The following ADAMTS6 variants were observed in gnomAD, a reference collection of about 807,000 sequenced individuals.
The protein encoded by ADAMTS6 is A disintegrin and metalloproteinase with thrombospondin motifs 6.
In ADAMTS6, 23 loss-of-function variants were observed where a neutral mutation model predicts 144.3. That is an observed-to-expected ratio of 0.16 (90% CI 0.11 to 0.23). ADAMTS6 has a LOEUF of 0.23. Among genes scored for constraint, ADAMTS6 ranks in the 10% least tolerant of loss-of-function variants. The probability of loss-of-function intolerance (pLI) is 1.00; values close to 1 mark genes in which losing one functional copy is unlikely to be tolerated. For missense variants in ADAMTS6, 999 were observed against 1,379.6 expected (o/e 0.72, Z 4.37); for synonymous variants, 444 against 457.5 (o/e 0.97, Z 0.38).
chr5:65,174,803 T>C (rs1339988078), intron 22 of ADAMTS6, among the ~76,000 whole-genome samples: 1 of 152,200 alleles, frequency 6.6e-6, no homozygotes, highest in African/African-American at 2.4e-5. Flanking sequence ...TTCTTTGTTT[T>C]GTGGTGTGAG....
chr5:65,237,047 A>G (rs1186217950), intron 15 of ADAMTS6, among the ~76,000 whole-genome samples: 1 of 152,090 alleles, frequency 6.6e-6, no homozygotes, highest in East Asian at 1.9e-4. Flanking sequence ...ATTTTATGTC[A>G]ATAAACTGGA....
chr5:65,223,887 C>T (rs1757515090), intron 18 of ADAMTS6, among the ~76,000 whole-genome samples: 1 of 151,414 alleles, frequency 6.6e-6, no homozygotes, highest in South Asian at 2.1e-4. Flanking sequence ...GCAAGCTCTG[C>T]CTCCTGGGTT....
intron 20 of ADAMTS6, among the ~76,000 whole-genome samples, chr5:65,204,310 G>C (rs1755935339): frequency 6.6e-6 from 1 of 152,176 alleles, no homozygotes; most frequent in Non-Finnish European, 1.5e-5. Flanking sequence ...AATTATTATA[G>C]ATAAATAAAT....
chr5:65,334,687 T>C (rs770549965), intron 7 of ADAMTS6, among the ~76,000 whole-genome samples: 1 of 152,186 alleles, frequency 6.6e-6, no homozygotes, highest in Non-Finnish European at 1.5e-5. Flanking sequence ...ACAGGCTAAA[T>C]GAATCTGTCA....
In ADAMTS6 at chr5:65,149,603, A is replaced by C. The variant is rs1385185879; in HGVS notation, c.*2233T>G. On this transcript the variant is annotated 3_prime_UTR_variant, in exon 25 of 25. Coordinates refer to ENST00000381055, the MANE Select transcript of ADAMTS6 (RefSeq NM_197941.4). ...CAATGGTAGTTTCCAGGTGAGGTAA[A>C]AAATAGCTTTTAGTCGGTAATAAGA... 6.6e-6 allele frequency: 1 copy of C among 152,666 alleles called. No homozygotes were observed. The highest frequency in any genetic ancestry group is 2.4e-5 in the African/African-American group (1 of 41,452). The allele number at this position is 152,666 out of a possible 1,614,324, so 9.5% of individuals were successfully genotyped here.
At chr5:65,186,348 TG>T (rs751262856) in intron 22 of ADAMTS6, among the ~76,000 whole-genome samples, 20 of 152,214 alleles carry the variant, frequency 1.3e-4, no homozygotes, top group Admixed American at 3.9e-4. Context: ...CTGCCTTATA[TG>T]TATTATTCTC....
intron 2 of ADAMTS6, 89 bp downstream of exon 2, chr5:65,473,488 A>C (rs1760624575): frequency 8.5e-7 from 1 of 1,179,488 alleles, no homozygotes; most frequent in Admixed American, 2.0e-5. Context: ...ATCCCAAAAA[A>C]AACTATCCAC....
intron 7 of ADAMTS6, among the ~76,000 whole-genome samples, chr5:65,432,436 C>A (rs922463112): frequency 1.3e-5 from 2 of 152,016 alleles, no homozygotes; most frequent in African/African-American, 2.4e-5. Context: ...TCAAATGGCT[C>A]TTAAAAGCCT....
intron 7 of ADAMTS6, among the ~76,000 whole-genome samples, chr5:65,404,954 T>C (rs978451109): frequency 2.9e-4 from 44 of 152,352 alleles, no homozygotes; most frequent in Middle Eastern, 6.8e-3. Flanking sequence ...TTTTGAGAAG[T>C]GTCTGTTCAT....
chr5:65,203,493 G>C (rs1755878220), intron 20 of ADAMTS6, among the ~76,000 whole-genome samples: 1 of 152,170 alleles, frequency 6.6e-6, no homozygotes, highest in South Asian at 2.1e-4. Context: ...GAATATTGTT[G>C]AGAGTACAAA....
Position 65,214,695 on chromosome 5 carries a change from T to C in ADAMTS6, c.2575+99A>G, listed in dbSNP as rs1488349853. ...CAGCTTGAAGCAAACCTGCAAGAAA[T>C]GTTTCCAATTAGCTTTTTTAACAAA... On this transcript the variant is annotated intron_variant, in intron 20 of 24. Transcript: ENST00000381055. This position sits in a 1 kb window ranked among gnomAD's most constrained non-coding sequence, Gnocchi z 4.6. 1.3e-6 allele frequency: 2 copies of C among 1,562,340 alleles called. No homozygotes were observed. Among genetic ancestry groups the C allele is most frequent in the African/African-American group, 2.7e-5 (2 of 73,944 alleles).
At chr5:65,400,993 A>G (rs1753869238) in intron 7 of ADAMTS6, among the ~76,000 whole-genome samples, 1 of 152,168 alleles carries the variant, frequency 6.6e-6, no homozygotes, top group African/African-American at 2.4e-5. Context: ...CATATTAATC[A>G]TAGTAGTAAA....
chr5:65,406,832 TGA>T (rs1561512262), intron 7 of ADAMTS6, among the ~76,000 whole-genome samples: 2 of 152,108 alleles, frequency 1.3e-5, no homozygotes, highest in African/African-American at 4.8e-5. Context: ...CCTAGTTTAT[TGA>T]GAGTTTTTAG....
chr5:65,196,865 C>T (rs1755418809), intron 21 of ADAMTS6, among the ~76,000 whole-genome samples, 157 bp downstream of exon 21: 1 of 152,164 alleles, frequency 6.6e-6, no homozygotes, highest in South Asian at 2.1e-4. Context: ...TCTTTGCTCA[C>T]TAAAAGAGAC....
intron 7 of ADAMTS6, among the ~76,000 whole-genome samples, chr5:65,435,633 T>G (rs1580702243): frequency 1.7e-5 from 1 of 60,070 alleles, no homozygotes; most frequent in African/African-American, 4.8e-5. Flanking sequence ...TATATTTTAA[T>G]TTTTTTTTTT....
chr5:65,386,206 T>C (rs1044045283), intron 7 of ADAMTS6, among the ~76,000 whole-genome samples: 8 of 152,240 alleles, frequency 5.3e-5, no homozygotes, highest in Admixed American at 3.3e-4. Flanking sequence ...CTAACATTGA[T>C]AATATTTCAC....
At chr5:65,300,394 C>A (rs1262350702) in intron 9 of ADAMTS6, among the ~76,000 whole-genome samples, 1 of 152,112 alleles carries the variant, frequency 6.6e-6, no homozygotes, top group Non-Finnish European at 1.5e-5. Context: ...TCTCTTTGAG[C>A]CGAATATATT....
At chr5:65,360,119 A>G (rs184639691) in intron 7 of ADAMTS6, among the ~76,000 whole-genome samples, 311 of 152,308 alleles carry the variant, frequency 2.0e-3, no homozygotes, top group Non-Finnish European at 3.3e-3. Flanking sequence ...CAGGCTGTAT[A>G]GGAACATGAT....
At chr5:65,329,686 A>C (rs1032478198) in intron 8 of ADAMTS6, among the ~76,000 whole-genome samples, 13 of 152,276 alleles carry the variant, frequency 8.5e-5, no homozygotes, top group Admixed American at 7.2e-4. Flanking sequence ...TTTGAACTGC[A>C]GTCAGTGCTG....
Sources: allele counts gnomAD v4.1 joint callset (sites outside exome capture counted in the v4.1 genomes callset), GRCh38; gene constraint gnomAD v4.1.1; non-coding constraint Gnocchi (gnomAD v3.1); transcripts MANE v1.5; gene names NCBI Gene and HGNC (gene_info 2026-07-23, HGNC 2026-07-21).